The following CYBC1 variants were observed in gnomAD, a reference collection of about 807,000 sequenced individuals.
CYBC1 encodes cytochrome b-245 chaperone 1.
Under a neutral mutation model 21.7 loss-of-function variants are expected in CYBC1, and 22 were observed. The observed-to-expected ratio is 1.02, with a 90% CI of 0.73 to 1.45. The LOEUF is 1.45. Ranked by LOEUF, CYBC1 falls within the 40% of genes most tolerant of loss-of-function variation. The pLI, the probability that CYBC1 is intolerant of heterozygous loss-of-function variation, is 0.00. For synonymous variants in CYBC1, 112 were observed against 98.7 expected, an observed-to-expected ratio of 1.13 and a Z score of -0.80; for missense variants, 237 against 242.1, an observed-to-expected ratio of 0.98 and a Z score of 0.14.
intron 1 of CYBC1, 75 bp from the exon 2 acceptor site, chr17:82,449,367 G>A (rs1160523180): frequency 4.2e-6 from 3 of 719,552 alleles, no homozygotes; most frequent in Non-Finnish European, 6.3e-6. Flanking sequence ...GCCCAGTCTG[G>A]AGGCCAAGAG....
At chr17:82,444,937 C>T (rs1041399132) in intron 5 of CYBC1, 2 of 217,162 alleles carry the variant, frequency 9.2e-6, no homozygotes, top group Non-Finnish European at 1.8e-5. Context: ...TGAGCCAGGG[C>T]CACCCTGCAG....
intron 1 of CYBC1, 167 bp downstream of exon 1, chr17:82,450,533 C>T (rs1381111094): frequency 6.6e-6 from 1 of 152,224 alleles, no homozygotes; most frequent in African/African-American, 2.4e-5. Flanking sequence ...CGGGGCCAAC[C>T]TGCAGCGGAA....
Position 82,446,666 on chromosome 17 carries a change from G to A in CYBC1, c.158C>T (p.Thr53Ile). Reference sequence around the variant, plus strand: ...CTGCACAGCCACAAACAGGCAGCCTGTGACGTAGAAGAGCTTCCAGCCCAG... The same window carrying A: ...CTGCACAGCCACAAACAGGCAGCCTATGACGTAGAAGAGCTTCCAGCCCAG... The part of the protein sequence containing the change: ...DSLGWKLFYV[T>I]GCLFVAVQNL... The change falls in exon 4 of 7, where the codon ACA becomes ATA. Residue 53 changes from threonine to isoleucine, a missense_variant. Coordinates refer to ENST00000306645, the MANE Select transcript of CYBC1 (RefSeq NM_001033046.4). 1 of 1,614,110 alleles carries A rather than the reference G, an allele frequency of 6.2e-7. No homozygotes were observed. The highest frequency in any genetic ancestry group is 8.5e-7 in the Non-Finnish European group (1 of 1,180,024).
In CYBC1 at chr17:82,446,715, C is replaced by A. The variant is rs746836449; in HGVS notation, c.128-19G>T. ...AGGCTATCTGGAGATGGGCATAGGG[C>A]GCCAGCCTGTGAGCTCCAGGGACAT... On this transcript the variant is annotated intron_variant, in intron 3 of 6. Coordinates refer to ENST00000306645, the MANE Select transcript of CYBC1 (RefSeq NM_001033046.4). 10 of 1,613,250 alleles carry A rather than the reference C, an allele frequency of 6.2e-6. No homozygotes were observed. In the East Asian group the frequency reaches 2.2e-4, roughly 36 times the overall value.
intron 2 of CYBC1, chr17:82,448,259 G>A (rs2054424270): frequency 5.5e-6 from 1 of 182,672 alleles, no homozygotes; most frequent in Non-Finnish European, 1.2e-5. Context: ...TGGACTGTGA[G>A]TCCTACGAAG....
At chr17:82,446,149 G>T (rs553789881) in intron 4 of CYBC1, among the ~76,000 whole-genome samples, 189 bp from the exon 5 acceptor site, 1 of 152,322 alleles carries the variant, frequency 6.6e-6, no homozygotes, top group South Asian at 2.1e-4. Flanking sequence ...CAGCCAACCC[G>T]ACTCCTGTTG....
Position 82,443,434 on chromosome 17 carries a change from C to A in CYBC1, c.*570G>T. The A allele has an allele frequency of 3.2e-6, 2 of 621,088 alleles. No homozygotes were observed. Among genetic ancestry groups the A allele is most frequent in the Non-Finnish European group, 3.0e-6 (1 of 335,168 alleles). 38.5% of individuals were successfully genotyped at this position (621,088 alleles called of 1,614,324 possible). On this transcript the variant is annotated 3_prime_UTR_variant, in exon 7 of 7. Coordinates refer to ENST00000306645, the MANE Select transcript of CYBC1 (RefSeq NM_001033046.4). This position sits in a 1 kb window ranked among gnomAD's most constrained non-coding sequence, Gnocchi z 6.7. Reference sequence around the variant, plus strand: ...GCTGCAGCGTGCACAGCCAGGTAGGCCCTGGATGTTCACCCCTCACTGCCC... The same window carrying A: ...GCTGCAGCGTGCACAGCCAGGTAGGACCTGGATGTTCACCCCTCACTGCCC...
Position 82,449,527 on chromosome 17 carries a change from G to A in CYBC1, c.-38-235C>T, listed in dbSNP as rs551923893. 2.3e-5 allele frequency: 9 copies of A among 389,788 alleles called. No individual in the cohort carries two copies. The South Asian group carries it at 6.7e-4, about 29-fold the overall frequency. The allele number at this position is 389,788 out of a possible 1,614,324, so 24.1% of individuals were successfully genotyped here. ...CCGTTCACAGCGACACCGACTGCGC[G>A]GGGGCTGTTTCCCGCTCAGACTCAC... On this transcript the variant is annotated intron_variant, in intron 1 of 6. Coordinates refer to ENST00000306645, the MANE Select transcript of CYBC1 (RefSeq NM_001033046.4).
intron 2 of CYBC1, chr17:82,447,839 A>T: frequency 1.6e-6 from 1 of 607,494 alleles, no homozygotes; most frequent in South Asian, 1.9e-5. Context: ...ACACACTTGT[A>T]ATCCCAGCTA....
At chr17:82,449,349 G>A (rs908412449) in intron 1 of CYBC1, 57 bp from the exon 2 acceptor site, 14 of 921,016 alleles carry the variant, frequency 1.5e-5, no homozygotes, top group African/African-American at 5.2e-5. Flanking sequence ...AGGCGCCCAC[G>A]CCATCAGGCC....
At position 82,442,604 on chromosome 17, in the gene CYBC1, G is replaced by A; in HGVS notation, c.*1400C>T. On this transcript the variant is annotated 3_prime_UTR_variant, in exon 7 of 7. Coordinates refer to ENST00000306645, the MANE Select transcript of CYBC1 (RefSeq NM_001033046.4). This position sits in a 1 kb window ranked among gnomAD's most constrained non-coding sequence, Gnocchi z 6.8. The stretch of plus-strand genomic sequence containing the variant: ...GACCCGCTTTGTGATCTGCATGTGT[G>A]ACACTGATTCTTTGGAAATAAAGAG... 6.4e-7 allele frequency: 1 copy of A among 1,554,858 alleles called. No individual in the cohort carries two copies. The highest frequency in any genetic ancestry group is 8.7e-7 in the Non-Finnish European group (1 of 1,143,700).
At chr17:82,446,762 G>T in intron 3 of CYBC1, 66 bp from the exon 4 acceptor site, 1 of 1,514,246 alleles carries the variant, frequency 6.6e-7, no homozygotes. Context: ...GCCCCGCCTA[G>T]CACAGCCTCC....
Position 82,444,480 on chromosome 17 carries a change from G to T in CYBC1, c.410C>A (p.Pro137His). 1 of 1,613,594 alleles carries T rather than the reference G, an allele frequency of 6.2e-7. No individual in the cohort carries two copies. Among genetic ancestry groups the T allele is most frequent in the Non-Finnish European group, 8.5e-7 (1 of 1,179,694 alleles). The change falls in exon 6 of 7, where the codon CCC becomes CAC. Residue 137 changes from proline (P) to histidine (H), a missense_variant. Physicochemically the swap from Pro to His is moderately conservative, Grantham distance 77. Transcript: ENST00000306645. ...GCCCATGACTGCACTCTGCGTGAGG[G>T]GGTGGGAGAAGCCCGTCGCAAGCCG... The part of the protein sequence containing the change: ...VLRLATGFSH[P>H]LTQSAVMGHR...
At chr17:82,444,283 C>T (rs1386777962) in intron 6 of CYBC1, 159 bp from the exon 7 acceptor site, 1 of 1,425,138 alleles carries the variant, frequency 7.0e-7, no homozygotes, top group African/African-American at 1.4e-5. Context: ...CTCCCCGTCA[C>T]AGTGGGGCTG....
rs2143741063 is a variant in CYBC1, at chr17:82,447,577, T to C, written c.127+3A>G. The C allele has an allele frequency of 1.3e-6, 2 of 1,598,254 alleles. No individual in the cohort carries two copies. Among genetic ancestry groups the C allele is most frequent in the East Asian group, 2.3e-5 (1 of 44,428 alleles). On this transcript the variant is annotated splice_donor_region_variant and intron_variant, in intron 3 of 6. Transcript: ENST00000306645. ...TGGGGGGGTGGGGCGGGGGGTGCTT[T>C]ACCTCCGCTGTAGTAGGCAGCAGCC...
chr17:82,447,308 C>A (rs998106519), intron 3 of CYBC1: 3 of 499,678 alleles, frequency 6.0e-6, no homozygotes, highest in East Asian at 3.9e-5. Flanking sequence ...AGCCGAGATC[C>A]CGCCACTGCA....
At chr17:82,446,132 A>G (rs1209575260) in intron 4 of CYBC1, among the ~76,000 whole-genome samples, 172 bp from the exon 5 acceptor site, 8 of 152,176 alleles carry the variant, frequency 5.3e-5, no homozygotes, top group African/African-American at 1.9e-4. Flanking sequence ...TCAGAGCCGG[A>G]TATCGGCAGC....
intron 3 of CYBC1, 163 bp from the exon 4 acceptor site, chr17:82,446,859 A>C: frequency 1.6e-6 from 1 of 642,224 alleles, no homozygotes; most frequent in Non-Finnish European, 2.7e-6. Flanking sequence ...CTCAGGACCC[A>C]CACGCGGCAC....
In CYBC1 at chr17:82,442,918, G is replaced by A. The variant is rs888641698; in HGVS notation, c.*1086C>T. 1 of 266,246 alleles carries A rather than the reference G, an allele frequency of 3.8e-6. No homozygotes were observed. Among genetic ancestry groups the A allele is most frequent in the Non-Finnish European group, 7.2e-6 (1 of 139,346 alleles). 16.5% of individuals were successfully genotyped at this position (266,246 alleles called of 1,614,324 possible). On this transcript the variant is annotated 3_prime_UTR_variant, in exon 7 of 7. Transcript: ENST00000306645. This position sits in a 1 kb window ranked among gnomAD's most constrained non-coding sequence, Gnocchi z 6.8. Reference sequence around the variant, plus strand: ...CCTGGGAGGACCTGGGTACACTCAGGAGACCAAGAGCACTGGCGGGTCAGG... The same window carrying A: ...CCTGGGAGGACCTGGGTACACTCAGAAGACCAAGAGCACTGGCGGGTCAGG...
Sources: allele counts gnomAD v4.1 joint callset (sites outside exome capture counted in the v4.1 genomes callset), GRCh38; gene constraint gnomAD v4.1.1; non-coding constraint Gnocchi (gnomAD v3.1); transcripts MANE v1.5; gene names NCBI Gene and HGNC (gene_info 2026-07-23, HGNC 2026-07-21).